DNAJC6: variants seen among roughly 807,000 people sequenced by gnomAD.
DNAJC6 encodes the protein DnaJ heat shock protein family (Hsp40) member C6.
DNAJC6 carries 34 observed loss-of-function variants against 110.0 expected under a neutral mutation model. That is an observed-to-expected ratio of 0.31 (90% confidence interval 0.24 to 0.41). The LOEUF is 0.41. DNAJC6 is among the 10% of genes least tolerant of loss of function. The pLI, the probability that DNAJC6 is intolerant of heterozygous loss-of-function variation, is 1.00. For missense variants in DNAJC6, 1,031 were observed against 1,207.8 expected (o/e 0.85, Z 2.17); for synonymous variants, 406 against 437.2 (o/e 0.93, Z 0.89).
intron 1 of DNAJC6, among the ~76,000 whole-genome samples, chr1:65,267,893 T>C (rs917683240): frequency 1.3e-5 from 2 of 151,308 alleles, no homozygotes; most frequent in East Asian, 3.9e-4. Context: ...GTGGTGTGTG[T>C]GTGTGTGTGT....
At chr1:65,372,652 A>G (rs137857422) in intron 4 of DNAJC6, among the ~76,000 whole-genome samples, 2 of 152,250 alleles carry the variant, frequency 1.3e-5, no homozygotes, top group Non-Finnish European at 2.9e-5. Flanking sequence ...TGGAGAGGTT[A>G]GTAAATTGCC....
chr1:65,339,796 G>C (rs1645371337), intron 1 of DNAJC6, among the ~76,000 whole-genome samples: 1 of 152,174 alleles, frequency 6.6e-6, no homozygotes, highest in Admixed American at 6.5e-5. Flanking sequence ...TGGCCAACTT[G>C]TTAGATAATA....
chr1:65,362,921 G>A (rs191534008), intron 1 of DNAJC6, among the ~76,000 whole-genome samples: 4 of 152,246 alleles, frequency 2.6e-5, no homozygotes, highest in South Asian at 2.1e-4. Context: ...CTGTTTTCAC[G>A]CTGCTTTAAA....
At chr1:65,385,606 T>C in intron 6 of DNAJC6, 106 bp from the exon 7 acceptor site, 1 of 999,442 alleles carries the variant, frequency 1.0e-6, no homozygotes, top group Non-Finnish European at 1.4e-6. Context: ...ATAGAATAAG[T>C]TTTTATTATA....
At chr1:65,396,812 C>T (rs1254315643) in intron 13 of DNAJC6, among the ~76,000 whole-genome samples, 4 of 152,046 alleles carry the variant, frequency 2.6e-5, no homozygotes, top group Admixed American at 6.6e-5. Flanking sequence ...AAAGAATTAC[C>T]GGCACATGGT....
chr1:65,406,290 T>C (rs1646075623), intron 16 of DNAJC6, among the ~76,000 whole-genome samples, 157 bp downstream of exon 16: 1 of 152,210 alleles, frequency 6.6e-6, no homozygotes, highest in South Asian at 2.1e-4. Flanking sequence ...ACATGATTCC[T>C]ACCCCCAACG....
intron 1 of DNAJC6, among the ~76,000 whole-genome samples, chr1:65,313,846 GGTT>G (rs1645124802): frequency 6.6e-6 from 1 of 152,116 alleles, no homozygotes; most frequent in African/African-American, 2.4e-5. Flanking sequence ...CTCTAGAAAA[GGTT>G]GTCATTTAAA....
rs760715152 is a variant in DNAJC6 at position 65,365,977 on chromosome 1, C to T, written c.394+43C>T. ...ATTAACAGTCCTTTGGCTCAGTTTCCCGTTGCTGCCCATCGTTATAGCAGA... is the reference window on the plus strand; with the variant it reads ...ATTAACAGTCCTTTGGCTCAGTTTCTCGTTGCTGCCCATCGTTATAGCAGA... On this transcript the variant is annotated intron_variant, in intron 3 of 18. Coordinates refer to ENST00000371069, the MANE Select transcript of DNAJC6 (RefSeq NM_001256864.2). The T allele has an allele frequency of 1.9e-6, 3 of 1,612,590 alleles. No individual in the cohort carries two copies. In the East Asian group the frequency reaches 6.7e-5, roughly 36 times the overall value.
chr1:65,399,653 A>G (rs899564019), intron 14 of DNAJC6, among the ~76,000 whole-genome samples: 3 of 152,028 alleles, frequency 2.0e-5, no homozygotes, highest in African/African-American at 7.2e-5. Flanking sequence ...CCACCTCCCC[A>G]CTGACCTTCT....
At chr1:65,335,898 G>C (rs934622537) in intron 1 of DNAJC6, among the ~76,000 whole-genome samples, 1 of 152,160 alleles carries the variant, frequency 6.6e-6, no homozygotes, top group Non-Finnish European at 1.5e-5. Flanking sequence ...GGGAGGCAAG[G>C]GTGGAGGCAG....
intron 1 of DNAJC6, among the ~76,000 whole-genome samples, chr1:65,357,606 G>A (rs1009564844): frequency 1.3e-5 from 2 of 152,164 alleles, no homozygotes; most frequent in African/African-American, 4.8e-5. Flanking sequence ...CTGTGATGAA[G>A]CTGGGTCTGA....
intron 17 of DNAJC6, 58 bp from the exon 18 acceptor site, chr1:65,411,192 A>G: frequency 6.5e-7 from 1 of 1,549,424 alleles, no homozygotes; most frequent in Admixed American, 1.8e-5. Flanking sequence ...GTCCTAGTGG[A>G]AACCTTCTGA....
chr1:65,379,638 A>G (rs1230475666), intron 5 of DNAJC6, 114 bp downstream of exon 5: 2 of 1,398,020 alleles, frequency 1.4e-6, no homozygotes, highest in Non-Finnish European at 1.9e-6. Context: ...CTGAGCCCAT[A>G]TTTAGGAATT....
chr1:65,398,920 G>A (rs765848622), intron 14 of DNAJC6, 39 bp downstream of exon 14: 20 of 1,603,722 alleles, frequency 1.2e-5, no homozygotes, highest in Non-Finnish European at 1.7e-5. Flanking sequence ...TTATATAATT[G>A]CAAAAGCATA....
At chr1:65,269,593 T>G (rs1422786437) in intron 1 of DNAJC6, among the ~76,000 whole-genome samples, 1 of 152,226 alleles carries the variant, frequency 6.6e-6, no homozygotes, top group Admixed American at 6.5e-5. Flanking sequence ...ACTTTGATAC[T>G]TTTAGAGAAA....
At chr1:65,412,805 A>T (rs1335327710) in intron 18 of DNAJC6, 119 bp from the exon 19 acceptor site, 1 of 875,732 alleles carries the variant, frequency 1.1e-6, no homozygotes, top group Non-Finnish European at 1.8e-6. Context: ...TGAAAAGGAG[A>T]AATGGCCAAA....
At chr1:65,290,249 G>T (rs4428928) in intron 1 of DNAJC6, among the ~76,000 whole-genome samples, 97,478 of 152,110 alleles carry the variant, frequency 0.64, 31,449 homozygotes, top group East Asian at 0.79. Context: ...GATTTTCTTA[G>T]AGATTTATAT....
intron 1 of DNAJC6, among the ~76,000 whole-genome samples, chr1:65,266,950 G>A (rs1348579705): frequency 6.6e-6 from 1 of 150,822 alleles, no homozygotes; most frequent in African/African-American, 2.4e-5. Context: ...AGGTTGGAGT[G>A]CAATGGTGCG....
At chr1:65,380,912 TTTTGTTTTG>T (rs1231200469) in intron 5 of DNAJC6, among the ~76,000 whole-genome samples, 9 of 89,656 alleles carry the variant, frequency 1.0e-4, no homozygotes, top group African/African-American at 5.9e-4. Flanking sequence ...TTGTTTTTTG[TTTTGTTTTG>T]TTTTTTTTTT....
Sources: allele counts gnomAD v4.1 joint callset (sites outside exome capture counted in the v4.1 genomes callset), GRCh38; gene constraint gnomAD v4.1.1; transcripts MANE v1.5; gene names NCBI Gene and HGNC (gene_info 2026-07-23, HGNC 2026-07-21).